INSC: variants seen among roughly 807,000 people sequenced by gnomAD.
The protein encoded by INSC is protein inscuteable homolog.
INSC carries 67 observed loss-of-function variants against 58.6 expected under a neutral mutation model. The ratio of observed to expected loss-of-function variants is 1.14; its 90% CI spans 0.94 to 1.40. The LOEUF (loss-of-function observed/expected upper bound fraction) is 1.40, where lower values mean the gene tolerates loss of function less well. INSC is among the 40% of genes most tolerant of loss of function. The pLI, the probability that INSC is intolerant of heterozygous loss-of-function variation, is 0.00. For missense variants in INSC, 714 were observed against 692.0 expected (o/e 1.03, Z -0.36); for synonymous variants, 262 against 276.1 (o/e 0.95, Z 0.51).
intron 1 of INSC, among the ~76,000 whole-genome samples, chr11:15,121,260 A>G (rs1272327951): frequency 6.6e-6 from 1 of 152,108 alleles, no homozygotes; most frequent in Non-Finnish European, 1.5e-5. Flanking sequence ...ATTGCATTTA[A>G]TTGTCATCTC....
At chr11:15,167,831 C>T (rs1314509721) in intron 2 of INSC, among the ~76,000 whole-genome samples, 2 of 152,114 alleles carry the variant, frequency 1.3e-5, no homozygotes, top group Non-Finnish European at 2.9e-5. Context: ...CCCACTGGCA[C>T]CTTGTCTGTC....
rs1236683416 is a variant in INSC, at chr11:15,230,023, TA to T, written c.1170+4196del. On this transcript the variant is annotated intron_variant, in intron 9 of 12. Transcript: ENST00000379556. ...TATATATATATATATAATATATATA[TA>T]TATATATATATATATAAAAGCCAGG... is the stretch of plus-strand genomic sequence containing the variant. Among the ~76,000 whole-genome samples the T allele has an allele frequency of 1.9e-3, 106 of 55,234 alleles. 7 individuals are homozygous for T. The highest frequency in any genetic ancestry group is 3.0e-3 in the Non-Finnish European group (91 of 30,824). 36.2% of individuals were successfully genotyped at this position (55,234 alleles called of 152,430 possible). A position where few individuals can be genotyped will look rare whatever the true frequency, so the allele number is the denominator to read the frequency against.
intron 1 of INSC, among the ~76,000 whole-genome samples, chr11:15,129,030 C>T (rs1407781413): frequency 6.6e-6 from 1 of 152,198 alleles, no homozygotes; most frequent in Non-Finnish European, 1.5e-5. Context: ...CCAATCCAGC[C>T]AGATCTTTGC....
chr11:15,116,946 T>TC, intron 1 of INSC, among the ~76,000 whole-genome samples: 3 of 128,822 alleles, frequency 2.3e-5, no homozygotes, highest in Non-Finnish European at 4.9e-5. Context: ...CTTCCTTCCT[T>TC]CTTTCCTTCC....
intron 2 of INSC, among the ~76,000 whole-genome samples, chr11:15,171,588 C>G (rs1201115271): frequency 6.6e-6 from 1 of 152,190 alleles, no homozygotes; most frequent in Admixed American, 6.5e-5. Context: ...CTCCTCCAGG[C>G]ACCTGCCCCT....
At chr11:15,175,451 T>C (rs1849538585) in intron 2 of INSC, among the ~76,000 whole-genome samples, 1 of 152,220 alleles carries the variant, frequency 6.6e-6, no homozygotes, top group Admixed American at 6.5e-5. Flanking sequence ...GCAATATTCC[T>C]GCCTCACCCT....
chr11:15,158,005 G>A (rs886500776), intron 2 of INSC, among the ~76,000 whole-genome samples: 1 of 152,118 alleles, frequency 6.6e-6, no homozygotes, highest in East Asian at 1.9e-4. Context: ...GAAACCAGGG[G>A]AGTCAACTTC....
At chr11:15,124,923 G>C (rs949177338) in intron 1 of INSC, among the ~76,000 whole-genome samples, 3 of 152,128 alleles carry the variant, frequency 2.0e-5, no homozygotes, top group African/African-American at 7.2e-5. Flanking sequence ...CTACCTAGTA[G>C]GTGCCATGTT....
chr11:15,200,613 C>G (rs1203247847), intron 6 of INSC, among the ~76,000 whole-genome samples: 3 of 151,988 alleles, frequency 2.0e-5, no homozygotes, highest in Non-Finnish European at 2.9e-5. Flanking sequence ...CCAGCTTGGA[C>G]TATGAAGGGT....
At chr11:15,141,392 G>T (rs773511876) in intron 1 of INSC, among the ~76,000 whole-genome samples, 1 of 152,184 alleles carries the variant, frequency 6.6e-6, no homozygotes, top group Non-Finnish European at 1.5e-5. Flanking sequence ...GGTGGGGCCC[G>T]CTCTACCTGA....
the INSC span, among the ~76,000 whole-genome samples, chr11:15,255,402 T>C: frequency 2.0e-5 from 3 of 152,116 alleles, no homozygotes; most frequent in South Asian, 2.1e-4. Context: ...AAAATAAAAG[T>C]CCTGTGCAAT....
At chr11:15,181,804 C>T (rs1849789899) in intron 5 of INSC, among the ~76,000 whole-genome samples, 1 of 152,256 alleles carries the variant, frequency 6.6e-6, no homozygotes, top group African/African-American at 2.4e-5. Context: ...CATTTACTCT[C>T]GTTGCAGCTT....
chr11:15,209,765 G>A (rs1850947259), intron 7 of INSC, among the ~76,000 whole-genome samples: 1 of 151,864 alleles, frequency 6.6e-6, no homozygotes. Context: ...GAGGTGAAAT[G>A]ATGTGCACAC....
At chr11:15,266,353 G>T in the INSC span, among the ~76,000 whole-genome samples, 17,072 of 151,754 alleles carry the variant, frequency 0.11, 1,127 homozygotes, top group Non-Finnish European at 0.15. Context: ...GAACTGCATT[G>T]GCCTTCATAG....
At chr11:15,208,203 T>A (rs2133900118) in intron 7 of INSC, among the ~76,000 whole-genome samples, 1 of 152,294 alleles carries the variant, frequency 6.6e-6, no homozygotes, top group African/African-American at 2.4e-5. Context: ...TGAATGAAGG[T>A]CGCAGATGCC....
At chr11:15,158,186 T>G (rs1488408874) in intron 2 of INSC, among the ~76,000 whole-genome samples, 1 of 152,026 alleles carries the variant, frequency 6.6e-6, no homozygotes, top group Admixed American at 6.6e-5. Flanking sequence ...GTGATTAATT[T>G]TTTACTGATT....
upstream of INSC, among the ~76,000 whole-genome samples, chr11:15,113,143 T>TTCTTTCTTTCTTTCTTTCTTTCTC: frequency 1.5e-4 from 15 of 98,684 alleles, no homozygotes; most frequent in African/African-American, 2.5e-4. Flanking sequence ...CTTTCTTTCT[T>TTCTTTCTTTCTTTCTTTCTTTCTC]TCTGTCTCTC....
At chr11:15,225,038 C>T (rs893995799) in intron 8 of INSC, among the ~76,000 whole-genome samples, 3 of 152,284 alleles carry the variant, frequency 2.0e-5, no homozygotes, top group Admixed American at 6.5e-5. Context: ...TGTGCATTAC[C>T]GGAGACACAC....
chr11:15,189,628 T>C (rs773306430), intron 5 of INSC, among the ~76,000 whole-genome samples: 4 of 152,230 alleles, frequency 2.6e-5, no homozygotes, highest in Non-Finnish European at 4.4e-5. Context: ...ATAATACTAG[T>C]ATTTAATTAA....
Sources: gnomAD v4.1 joint callset for allele counts (sites outside exome capture counted in the v4.1 genomes callset) on GRCh38, gnomAD v4.1.1 for gene constraint, MANE v1.5 for transcripts, NCBI Gene and HGNC (gene_info 2026-07-23, HGNC 2026-07-21) for gene names.